The following COG3 variants were observed in gnomAD, a reference collection of about 807,000 sequenced individuals.
COG3 encodes the protein conserved oligomeric Golgi complex subunit 3.
A neutral mutation model predicts 114.1 loss-of-function variants in COG3; 32 were observed. The observed-to-expected ratio is 0.28, with a 90% CI of 0.21 to 0.38. The LOEUF (loss-of-function observed/expected upper bound fraction) is 0.38, where lower values mean the gene tolerates loss of function less well. Among genes scored for constraint, COG3 ranks in the 10% least tolerant of loss-of-function variants. The pLI, the probability that COG3 is intolerant of heterozygous loss-of-function variation, is 1.00. For synonymous variants in COG3, 352 were observed against 365.7 expected, an observed-to-expected ratio of 0.96 and a Z score of 0.43; for missense variants, 813 against 973.2, an observed-to-expected ratio of 0.84 and a Z score of 2.19.
At chr13:45,482,318 A>G (rs1238742902) in intron 5 of COG3, 63 bp from the exon 6 acceptor site, 10 of 851,104 alleles carry the variant, frequency 1.2e-5, no homozygotes, top group Non-Finnish European at 1.9e-5. Context: ...TCTAATCCAT[A>G]GTTTCCAACT....
In COG3 at chr13:45,535,029, T is replaced by C. The variant is rs1409732498; in HGVS notation, c.*298T>C. ...GGCAGACATGCAGTGAAATGGTTCT[T>C]TGTTAAAAATGTGCAATAAAAATAG... is the stretch of plus-strand genomic sequence containing the variant. On this transcript the variant is annotated 3_prime_UTR_variant, in exon 23 of 23. Transcript: ENST00000349995. 1.7e-6 allele frequency: 2 copies of C among 1,155,736 alleles called. No homozygotes were observed. Among genetic ancestry groups the C allele is most frequent in the Admixed American group, 9.4e-5 (2 of 21,280 alleles). The allele number at this position is 1,155,736 out of a possible 1,614,324, so 71.6% of individuals were successfully genotyped here. A position where few individuals can be genotyped will look rare whatever the true frequency, so the allele number is the denominator to read the frequency against.
chr13:45,498,195 C>T (rs1869057020), intron 13 of COG3, among the ~76,000 whole-genome samples: 1 of 152,084 alleles, frequency 6.6e-6, no homozygotes, highest in Admixed American at 6.5e-5. Flanking sequence ...GACATCATGA[C>T]TCCTCATTCC....
intron 19 of COG3, among the ~76,000 whole-genome samples, chr13:45,519,836 G>A (rs568151055): frequency 3.3e-5 from 5 of 152,150 alleles, no homozygotes; most frequent in Non-Finnish European, 5.9e-5. Context: ...TATTCTCTCT[G>A]TCTCTCTGTC....
At chr13:45,493,206 A>T in intron 11 of COG3, 141 bp from the exon 12 acceptor site, 1 of 618,040 alleles carries the variant, frequency 1.6e-6, no homozygotes, top group Non-Finnish European at 2.7e-6. Flanking sequence ...TTCCCTTATC[A>T]TTCTATAATG....
chr13:45,516,338 A>G, intron 17 of COG3, 75 bp downstream of exon 17: 1 of 1,280,642 alleles, frequency 7.8e-7, no homozygotes, highest in Non-Finnish European at 1.0e-6. Flanking sequence ...TTTTAGGTTT[A>G]TTTTATGTTC....
intron 7 of COG3, among the ~76,000 whole-genome samples, chr13:45,485,136 G>GC (rs201569836): frequency 0.16 from 17,792 of 109,978 alleles, no homozygotes; most frequent in Middle Eastern, 0.24. Context: ...AGACGGGGCG[G>GC]TGGCCGGGCA....
At chr13:45,507,157 G>A (rs941961441) in intron 14 of COG3, among the ~76,000 whole-genome samples, 1 of 152,162 alleles carries the variant, frequency 6.6e-6, no homozygotes, top group African/African-American at 2.4e-5. Flanking sequence ...TGGCTTTAAA[G>A]TACTTAAACA....
chr13:45,525,019 A>G lies in COG3; in HGVS notation c.2198A>G (p.Tyr733Cys). The change falls in exon 20 of 23, where the codon TAT becomes TGT. Residue 733 changes from tyrosine (Y) to cysteine (C), a missense_variant. Transcript: ENST00000349995. ...KTMASQGGPKYTLSQQPWAQP... is the reference protein window; with the variant it reads ...KTMASQGGPKCTLSQQPWAQP... ...ATGGCCAGTCAGGGAGGCCCCAAGT[A>G]TACTCTCTCACAGCAGCCTTGGGCA... The G allele has an allele frequency of 6.2e-7, 1 of 1,613,918 alleles. No individual in the cohort carries two copies. Among genetic ancestry groups the G allele is most frequent in the Non-Finnish European group, 8.5e-7 (1 of 1,179,864 alleles).
At chr13:45,522,442 T>A (rs1872261855) in intron 19 of COG3, among the ~76,000 whole-genome samples, 1 of 152,208 alleles carries the variant, frequency 6.6e-6, no homozygotes, top group African/African-American at 2.4e-5. Flanking sequence ...GTGCTCCTTG[T>A]TGAGACACTT....
chr13:45,482,680 T>C (rs1040668095), intron 6 of COG3, among the ~76,000 whole-genome samples: 2 of 152,248 alleles, frequency 1.3e-5, no homozygotes, highest in African/African-American at 4.8e-5. Flanking sequence ...TTAGTCGTTA[T>C]TAGCAGTGGT....
At chr13:45,522,863 T>G (rs1430484434) in intron 19 of COG3, among the ~76,000 whole-genome samples, 3 of 152,202 alleles carry the variant, frequency 2.0e-5, no homozygotes, top group African/African-American at 2.4e-5. Flanking sequence ...AAACAAACTC[T>G]TAAGTAGGAC....
intron 2 of COG3, among the ~76,000 whole-genome samples, chr13:45,476,710 T>TA (rs1885888123): frequency 1.4e-5 from 1 of 71,096 alleles, no homozygotes; most frequent in Non-Finnish European, 4.2e-5. Flanking sequence ...TAGTCCTTTT[T>TA]TAAAAAACCC....
At chr13:45,491,309 G>T in intron 9 of COG3, 103 bp from the exon 10 acceptor site, 1 of 1,182,854 alleles carries the variant, frequency 8.5e-7, no homozygotes, top group Non-Finnish European at 1.2e-6. Context: ...AGAGGTGACC[G>T]TTATAGCTTT....
At chr13:45,521,248 G>A (rs527661445) in intron 19 of COG3, among the ~76,000 whole-genome samples, 7 of 152,312 alleles carry the variant, frequency 4.6e-5, no homozygotes, top group East Asian at 1.9e-4. Context: ...TGCTACATGC[G>A]TATAGCAGGG....
intron 2 of COG3, among the ~76,000 whole-genome samples, chr13:45,477,145 G>A (rs1593679197): frequency 6.6e-6 from 1 of 152,160 alleles, no homozygotes; most frequent in East Asian, 1.9e-4. Context: ...CGTTAAATAC[G>A]ATAATGCATG....
intron 9 of COG3, 27 bp from the exon 10 acceptor site, chr13:45,491,385 A>C (rs923054956): frequency 1.3e-6 from 2 of 1,586,570 alleles, no homozygotes; most frequent in Non-Finnish European, 1.7e-6. Flanking sequence ...TGAAATGAAA[A>C]GTTTAATCTC....
intron 14 of COG3, among the ~76,000 whole-genome samples, chr13:45,503,621 G>T (rs74070411): frequency 6.6e-6 from 1 of 152,110 alleles, no homozygotes; most frequent in Admixed American, 6.5e-5. Context: ...TGTGGGGTGT[G>T]GTGTCTGAGA....
intron 17 of COG3, among the ~76,000 whole-genome samples, chr13:45,517,073 A>T (rs1176577115): frequency 6.6e-6 from 1 of 152,208 alleles, no homozygotes; most frequent in Non-Finnish European, 1.5e-5. Context: ...GCAGTTAAGG[A>T]TATACCATAC....
Position 45,534,807 on chromosome 13 carries a change from C to T in COG3, c.*76C>T. ...GAGAAGTCTTGCAGTCTGCAGGACA[C>T]CGAGGAATCGTATGTGGGAACGTCC... On this transcript the variant is annotated 3_prime_UTR_variant, in exon 23 of 23. Transcript: ENST00000349995. 6.7e-7 allele frequency: 1 copy of T among 1,489,482 alleles called. No homozygotes were observed. Among genetic ancestry groups the T allele is most frequent in the Non-Finnish European group, 8.9e-7 (1 of 1,121,538 alleles). 92.3% of individuals were successfully genotyped at this position (1,489,482 alleles called of 1,614,324 possible).
Sources: allele counts gnomAD v4.1 joint callset (sites outside exome capture counted in the v4.1 genomes callset), GRCh38; gene constraint gnomAD v4.1.1; transcripts MANE v1.5; gene names NCBI Gene and HGNC (gene_info 2026-07-23, HGNC 2026-07-21).